LCOR: variants seen among roughly 807,000 people sequenced by gnomAD.
The protein encoded by LCOR is ligand dependent nuclear receptor corepressor, also known as ligand-dependent corepressor.
Under a neutral mutation model 64.4 loss-of-function variants are expected in LCOR, and 14 were observed. That is an observed-to-expected ratio of 0.22 (90% CI 0.14 to 0.34). The LOEUF is 0.34. LCOR is among the 10% of genes least tolerant of loss of function. LCOR has a pLI of 1.00. For synonymous variants in LCOR, 643 were observed against 642.5 expected, an observed-to-expected ratio of 1.00 and a Z score of -0.01; for missense variants, 1,686 against 1,765.3, an observed-to-expected ratio of 0.96 and a Z score of 0.80.
Position 96,985,024 on chromosome 10 carries a change from G to A in LCOR, c.4564G>A (p.Ala1522Thr). The A allele has an allele frequency of 6.2e-7, 1 of 1,614,186 alleles. No homozygotes were observed. The highest frequency in any genetic ancestry group is 2.2e-5 in the East Asian group (1 of 44,882). ...GAAGCAGAGTAGTGGAAAGACTCGGGCCAGACCCTCAACGAAAACCCCAGA... is the reference window on the plus strand; with the variant it reads ...GAAGCAGAGTAGTGGAAAGACTCGGACCAGACCCTCAACGAAAACCCCAGA... ...NRKQSSGKTR[A>T]RPSTKTPESS... Residue 1522 changes from alanine (A) to threonine (T), a missense_variant, in exon 8 of 8, where the codon GCC becomes ACC. By Grantham distance (58) the Ala-to-Thr change is moderately conservative (BLOSUM62 0). Transcript: ENST00000421806.
At chr10:96,952,321 A>C in intron 7 of LCOR, 125 bp downstream of exon 7, 1 of 619,396 alleles carries the variant, frequency 1.6e-6, no homozygotes, top group East Asian at 2.8e-5. Flanking sequence ...AATATGGACC[A>C]TAGATCAAAT....
intron 2 of LCOR, among the ~76,000 whole-genome samples, chr10:96,903,829 C>CTTTCTGTGAGAGAAACATTG (rs1846683863): frequency 2.0e-5 from 3 of 152,246 alleles, no homozygotes; most frequent in Admixed American, 2.0e-4. Context: ...CATGTGAAGC[C>CTTTCTGTGAGAGAAACATTG]TTTCTGTGAG....
intron 4 of LCOR, among the ~76,000 whole-genome samples, chr10:96,927,257 T>C (rs1847184673): frequency 6.6e-6 from 1 of 152,138 alleles, no homozygotes; most frequent in African/African-American, 2.4e-5. Context: ...TTTATTTCCC[T>C]GATACTGGTG....
chr10:96,888,089 A>G (rs1378268568), intron 2 of LCOR, among the ~76,000 whole-genome samples: 3 of 149,724 alleles, frequency 2.0e-5, no homozygotes, highest in Non-Finnish European at 3.0e-5. Context: ...GAAGTGGGCT[A>G]GGTGTGGTGG....
chr10:96,956,528 C>T (rs1847786686), intron 7 of LCOR: 2 of 984,232 alleles, frequency 2.0e-6, no homozygotes, highest in South Asian at 4.7e-5. Flanking sequence ...TAATTTTCTT[C>T]TCACTATTAA....
At chr10:96,930,827 G>A (rs1289966315) in intron 4 of LCOR, among the ~76,000 whole-genome samples, 1 of 152,152 alleles carries the variant, frequency 6.6e-6, no homozygotes, top group Non-Finnish European at 1.5e-5. Flanking sequence ...TCTGCCTTCT[G>A]CCATGTGAGA....
In LCOR at chr10:96,965,392, A is replaced by T. The variant is rs189508517; in HGVS notation, c.332+13196A>T. Among the ~76,000 whole-genome samples, 371 of 149,800 alleles carry T rather than the reference A, an allele frequency of 2.5e-3. 6 individuals are homozygous for T. Among genetic ancestry groups the T allele is most frequent in the African/African-American group, 8.2e-3 (338 of 40,984 alleles). ...TAATAGTTTTTGTCGGCCGGGCACGATGGCTCACGCCTGTAATCCCAGCAC... is the reference window on the plus strand; with the variant it reads ...TAATAGTTTTTGTCGGCCGGGCACGTTGGCTCACGCCTGTAATCCCAGCAC... On this transcript the variant is annotated intron_variant, in intron 7 of 7. Transcript: ENST00000421806.
chr10:96,957,129 T>C, intron 7 of LCOR: 1 of 985,044 alleles, frequency 1.0e-6, no homozygotes, highest in Non-Finnish European at 1.2e-6. Context: ...TTTTAACTGA[T>C]CCAAATACTA....
At chr10:96,901,905 G>A (rs1467049533) in intron 2 of LCOR, among the ~76,000 whole-genome samples, 1 of 152,090 alleles carries the variant, frequency 6.6e-6, no homozygotes, top group Non-Finnish European at 1.5e-5. Context: ...GGGTAGTTGG[G>A]ACTACAGGTG....
chr10:96,873,022 T>C (rs1038127218), intron 2 of LCOR, among the ~76,000 whole-genome samples: 1 of 152,192 alleles, frequency 6.6e-6, no homozygotes, highest in Non-Finnish European at 1.5e-5. Context: ...TAGACAACTT[T>C]AATTGCATAG....
chr10:96,848,830 T>C lies in LCOR; in HGVS notation c.-330+15351T>C, dbSNP rs188861576. On this transcript the variant is annotated intron_variant, in intron 2 of 7. Transcript: ENST00000421806. ...TCTGCCAGGAATATTCTTTCAGGAA[T>C]GGTTAGCTTTTTTGGATGATAACAG... Among the ~76,000 whole-genome samples, 312 of 152,306 alleles carry C rather than the reference T, an allele frequency of 2.0e-3. 3 individuals carry two copies. The highest frequency in any genetic ancestry group is 7.3e-3 in the African/African-American group (305 of 41,578).
In LCOR at chr10:96,950,934, T is replaced by C. The variant is rs911291797; in HGVS notation, c.239-1169T>C. ...GATAATTGGTTCTATAAGCTTATAA[T>C]TATATTTTTAGAAGTACTAGTGACT... On this transcript the variant is annotated intron_variant, in intron 6 of 7. Transcript: ENST00000421806. 3.3e-5 allele frequency among the ~76,000 whole-genome samples: 5 copies of C among 152,128 alleles called. No homozygotes were observed. In the South Asian group the frequency reaches 1.0e-3, roughly 32 times the overall value.
At chr10:96,934,880 G>A (rs1267128300) in intron 4 of LCOR, among the ~76,000 whole-genome samples, 1 of 152,186 alleles carries the variant, frequency 6.6e-6, no homozygotes, top group Non-Finnish European at 1.5e-5. Flanking sequence ...GGGTTTACAG[G>A]CGTGAGCCAC....
chr10:96,857,537 T>C (rs1386726061), intron 2 of LCOR, among the ~76,000 whole-genome samples: 1 of 152,170 alleles, frequency 6.6e-6, no homozygotes, highest in Admixed American at 6.5e-5. Context: ...TATATACTCT[T>C]ACTTCTCTCT....
intron 2 of LCOR, among the ~76,000 whole-genome samples, chr10:96,858,950 A>G (rs1232250471): frequency 6.6e-6 from 1 of 152,140 alleles, no homozygotes; most frequent in African/African-American, 2.4e-5. Context: ...AGTAACCTTA[A>G]AAAAGTGAGG....
At chr10:96,842,160 C>T (rs57908771) in intron 2 of LCOR, among the ~76,000 whole-genome samples, 1 of 152,018 alleles carries the variant, frequency 6.6e-6, no homozygotes. Flanking sequence ...CTTTGGGAGG[C>T]CGAGGCGGGT....
chr10:96,861,121 T>C (rs942627627), intron 2 of LCOR, among the ~76,000 whole-genome samples: 1 of 152,180 alleles, frequency 6.6e-6, no homozygotes, highest in Non-Finnish European at 1.5e-5. Flanking sequence ...TTATAGAAAG[T>C]GGGTATCTTC....
At chr10:96,902,131 T>TAA (rs113778435) in intron 2 of LCOR, among the ~76,000 whole-genome samples, 39 of 148,284 alleles carry the variant, frequency 2.6e-4, no homozygotes, top group East Asian at 1.2e-3. Context: ...TCTTTGCTCT[T>TAA]AAAAAAAAAA....
chr10:96,920,472 A>G (rs36177678), intron 4 of LCOR, among the ~76,000 whole-genome samples: 14,189 of 131,124 alleles, frequency 0.11, 1,694 homozygotes, highest in African/African-American at 0.23. Context: ...ATATATGTGT[A>G]TATATATGTA....
Sources: allele counts gnomAD v4.1 joint callset (sites outside exome capture counted in the v4.1 genomes callset), GRCh38; gene constraint gnomAD v4.1.1; transcripts MANE v1.5; gene names NCBI Gene and HGNC (gene_info 2026-07-23, HGNC 2026-07-21).